The following AUTS2 variants were observed in gnomAD, a reference collection of about 807,000 sequenced individuals.
The protein encoded by AUTS2 is activator of transcription and developmental regulator AUTS2.
Under a neutral mutation model 112.4 loss-of-function variants are expected in AUTS2, and 17 were observed. That is an observed-to-expected ratio of 0.15 (90% CI 0.10 to 0.23). The LOEUF is 0.23. Ranked by LOEUF, AUTS2 falls within the 10% of genes least tolerant of loss-of-function variation. AUTS2 has a pLI of 1.00. For synonymous variants in AUTS2, 751 were observed against 702.7 expected (o/e 1.07, Z -1.09); for missense variants, 1,510 against 1,701.6 (o/e 0.89, Z 1.98).
At chr7:70,739,035 T>TTTTTTTTTTTTTTTTTTTTTTTG (rs1787946528) in intron 6 of AUTS2, among the ~76,000 whole-genome samples, 1 of 82,518 alleles carries the variant, frequency 1.2e-5, no homozygotes, top group Non-Finnish European at 2.2e-5. Context: ...TTTTTTTTTT[T>TTTTTTTTTTTTTTTTTTTTTTTG]TTGAGAGAGA....
chr7:70,215,912 C>A (rs1811141623), intron 4 of AUTS2, among the ~76,000 whole-genome samples: 1 of 152,200 alleles, frequency 6.6e-6, no homozygotes, highest in African/African-American at 2.4e-5. Flanking sequence ...TGGCTTAAAT[C>A]ACAGACTTTC....
chr7:70,733,311 CAG>C (rs1327670054), intron 6 of AUTS2, among the ~76,000 whole-genome samples: 1 of 152,178 alleles, frequency 6.6e-6, no homozygotes, highest in African/African-American at 2.4e-5. Flanking sequence ...TTACATCACT[CAG>C]AGTCATGGAA....
At chr7:70,713,852 C>T (rs1466858384) in intron 6 of AUTS2, among the ~76,000 whole-genome samples, 7 of 151,304 alleles carry the variant, frequency 4.6e-5, no homozygotes, top group Non-Finnish European at 8.8e-5. Context: ...GCGGAGATCG[C>T]GCCATTGCAC....
intron 4 of AUTS2, among the ~76,000 whole-genome samples, chr7:70,338,102 C>T (rs971113848): frequency 2.0e-5 from 3 of 152,184 alleles, no homozygotes; most frequent in African/African-American, 7.2e-5. Flanking sequence ...TCTTTAATTG[C>T]AGTAATTAAA....
At chr7:70,378,216 A>G (rs975335402) in intron 4 of AUTS2, among the ~76,000 whole-genome samples, 2 of 152,068 alleles carry the variant, frequency 1.3e-5, no homozygotes, top group African/African-American at 4.8e-5. Flanking sequence ...TTGCTTTCAC[A>G]TTTTCTCTAT....
intron 1 of AUTS2, among the ~76,000 whole-genome samples, chr7:69,821,916 C>CAA (rs34912846): frequency 4.7e-4 from 36 of 76,736 alleles, no homozygotes; most frequent in South Asian, 2.7e-3. Context: ...ACAGGGTCTC[C>CAA]AAAAAAAAAA....
chr7:70,622,472 C>T (rs192237301), intron 5 of AUTS2, among the ~76,000 whole-genome samples: 15 of 152,200 alleles, frequency 9.9e-5, no homozygotes, highest in African/African-American at 3.4e-4. Context: ...CTACCCAGGC[C>T]CTTGGTTGTC....
chr7:70,356,319 A>G (rs927600303), intron 4 of AUTS2, among the ~76,000 whole-genome samples: 1 of 152,128 alleles, frequency 6.6e-6, no homozygotes, highest in Admixed American at 6.5e-5. Context: ...CAATAGACTG[A>G]AGTACTAGGG....
At chr7:70,164,595 T>C (rs1562754430) in intron 4 of AUTS2, among the ~76,000 whole-genome samples, 2 of 152,200 alleles carry the variant, frequency 1.3e-5, no homozygotes, top group Non-Finnish European at 2.9e-5. Flanking sequence ...TTGAATCTTC[T>C]AGACTCACAA....
chr7:70,688,619 G>A (rs1264957953), intron 5 of AUTS2, among the ~76,000 whole-genome samples: 1 of 151,976 alleles, frequency 6.6e-6, no homozygotes, highest in Non-Finnish European at 1.5e-5. Flanking sequence ...CTTGAGGCCA[G>A]GAGTCAGAGA....
At chr7:70,193,815 A>G (rs1245263067) in intron 4 of AUTS2, among the ~76,000 whole-genome samples, 10 of 152,174 alleles carry the variant, frequency 6.6e-5, no homozygotes, top group Admixed American at 5.9e-4. Context: ...GATTCGTGTA[A>G]CCTACTGTCA....
intron 2 of AUTS2, among the ~76,000 whole-genome samples, chr7:69,977,285 A>G (rs1355535533): frequency 2.6e-5 from 4 of 152,156 alleles, no homozygotes; most frequent in Non-Finnish European, 5.9e-5. Flanking sequence ...TTGATATTAT[A>G]TTCCATTGGT....
intron 5 of AUTS2, among the ~76,000 whole-genome samples, chr7:70,668,604 G>A (rs996091885): frequency 1.3e-5 from 2 of 152,176 alleles, no homozygotes; most frequent in African/African-American, 4.8e-5. Context: ...TAGAGATCCT[G>A]ACAGGCATGT....
At chr7:70,773,605 T>C (rs192378085) in intron 11 of AUTS2, among the ~76,000 whole-genome samples, 1 of 152,364 alleles carries the variant, frequency 6.6e-6, no homozygotes, top group Admixed American at 6.5e-5. Context: ...CTTCCAGTTA[T>C]TCTGATGAGA....
intron 6 of AUTS2, among the ~76,000 whole-genome samples, chr7:70,703,490 CAAAAAAAAAA>C (rs57223380): frequency 1.6e-4 from 16 of 98,622 alleles, no homozygotes; most frequent in South Asian, 1.4e-3. Context: ...GACACCATTT[CAAAAAAAAAA>C]AAAAAAAAAA....
chr7:70,664,744 G>A (rs533626722), intron 5 of AUTS2, among the ~76,000 whole-genome samples: 1 of 152,228 alleles, frequency 6.6e-6, no homozygotes, highest in African/African-American at 2.4e-5. Flanking sequence ...CCAGTAGTAA[G>A]GCCTAGCCAA....
rs139953482 is a variant in AUTS2, at chr7:70,005,487, C to G, written c.522+105989C>G. Among the ~76,000 whole-genome samples the G allele has an allele frequency of 7.6e-3, 1,159 of 152,264 alleles. 15 individuals carry two copies. Among genetic ancestry groups the G allele is most frequent in the African/African-American group, 0.026 (1,100 of 41,542 alleles). ...CAGAAAGATCAAGAAGAAATGACCT[C>G]TTCCCTTGTGAGAGGCTCACTATTG... On this transcript the variant is annotated intron_variant, in intron 2 of 18. Coordinates refer to ENST00000342771, the MANE Select transcript of AUTS2 (RefSeq NM_015570.4).
intron 1 of AUTS2, among the ~76,000 whole-genome samples, chr7:69,894,388 A>G (rs1187732955): frequency 2.0e-5 from 3 of 149,522 alleles, no homozygotes; most frequent in African/African-American, 2.5e-5. Flanking sequence ...GCTGAGGCTG[A>G]GTATTAAATT....
intron 4 of AUTS2, among the ~76,000 whole-genome samples, chr7:70,417,059 G>C (rs1045500733): frequency 6.6e-6 from 1 of 152,210 alleles, no homozygotes; most frequent in African/African-American, 2.4e-5. Context: ...AGAAAGCCCA[G>C]CAGGCCCTGC....
Sources: allele counts gnomAD v4.1 joint callset (sites outside exome capture counted in the v4.1 genomes callset), GRCh38; gene constraint gnomAD v4.1.1; transcripts MANE v1.5; gene names NCBI Gene and HGNC (gene_info 2026-07-23, HGNC 2026-07-21).